Variants in NOP53 observed in about 807,000 individuals in gnomAD.
NOP53 encodes NOP53 ribosome biogenesis factor.
In NOP53, 40 loss-of-function variants were observed where a neutral mutation model predicts 61.0. The ratio of observed to expected loss-of-function variants is 0.66; its 90% confidence interval spans 0.51 to 0.85. NOP53 has a LOEUF of 0.85. Ranked by LOEUF, NOP53 falls within the 40% of genes least tolerant of loss-of-function variation. NOP53 has a pLI of 0.00. For missense variants in NOP53, 689 were observed against 652.9 expected (o/e 1.06, Z -0.60); for synonymous variants, 308 against 289.5 (o/e 1.06, Z -0.65).
chr19:47,750,067 TG>T, intron 2 of NOP53, 110 bp from the exon 3 acceptor site: 4 of 664,524 alleles, frequency 6.0e-6, no homozygotes, highest in Non-Finnish European at 1.1e-5. Flanking sequence ...CCAAGTCTCC[TG>T]GGGTGACTTG....
At chr19:47,750,367 G>A (rs542991131) in intron 3 of NOP53, 81 bp downstream of exon 3, 2 of 854,078 alleles carry the variant, frequency 2.3e-6, no homozygotes, top group Admixed American at 1.9e-5. Context: ...GGGCTGGTAG[G>A]TGAGGGTCAT....
chr19:47,750,870 C>T, intron 3 of NOP53, 38 bp from the exon 4 acceptor site: 2 of 1,536,888 alleles, frequency 1.3e-6, no homozygotes, highest in Non-Finnish European at 1.8e-6. Context: ...CAGGCTGCCA[C>T]CTCACCTGCT....
In NOP53 at chr19:47,754,474, G is replaced by A; in HGVS notation, c.766-53G>A. Reference sequence around the variant, plus strand: ...GACAGATGGGAGGTAAGAGGGTCTAGTCTCAGTGTCCCAGGAGGGGTTCAG... The same window carrying A: ...GACAGATGGGAGGTAAGAGGGTCTAATCTCAGTGTCCCAGGAGGGGTTCAG... On this transcript the variant is annotated intron_variant, in intron 6 of 12. Transcript: ENST00000246802. This position sits in a 1 kb window ranked among gnomAD's most constrained non-coding sequence, Gnocchi z 4.2. The A allele has an allele frequency of 7.5e-7, 1 of 1,337,844 alleles. No individual in the cohort carries two copies. Among genetic ancestry groups the A allele is most frequent in the African/African-American group, 1.5e-5 (1 of 68,950 alleles). The allele number at this position is 1,337,844 out of a possible 1,614,324, so 82.9% of individuals were successfully genotyped here.
rs780677965 is a variant in NOP53, at chr19:47,755,411, G to C, written c.1117G>C (p.Gly373Arg). The C allele has an allele frequency of 1.3e-6, 2 of 1,534,092 alleles. No homozygotes were observed. The highest frequency in any genetic ancestry group is 4.0e-5 in the Admixed American group (2 of 49,524). The change falls in exon 9 of 13, where the codon GGG becomes CGG. Residue 373 changes from glycine to arginine, a missense_variant. Physicochemically the swap from Gly to Arg is moderately radical, Grantham distance 125. Transcript: ENST00000246802. ...GCACCAGGAGCTGTTCCGGCTGCGCGGGATCAAGGCCCAGGTGGCCCTGAG... is the reference window on the plus strand; with the variant it reads ...GCACCAGGAGCTGTTCCGGCTGCGCCGGATCAAGGCCCAGGTGGCCCTGAG... ...LRHQELFRLRGIKAQVALRLA... is the reference protein window; with the variant it reads ...LRHQELFRLRRIKAQVALRLA...
intron 2 of NOP53, among the ~76,000 whole-genome samples, chr19:47,749,441 C>T (rs1033969746): frequency 1.5e-4 from 23 of 152,110 alleles, no homozygotes; most frequent in Non-Finnish European, 3.4e-4. Flanking sequence ...ATGATTACAT[C>T]TTCATAACGG....
chr19:47,746,114 GTA>G (rs1967060273), intron 1 of NOP53: 1 of 346,448 alleles, frequency 2.9e-6, no homozygotes, highest in East Asian at 5.6e-5. Flanking sequence ...GTGTGTGTAT[GTA>G]TATATGTGTG....
intron 2 of NOP53, 106 bp from the exon 3 acceptor site, chr19:47,750,072 T>G: frequency 2.9e-6 from 2 of 680,256 alleles, no homozygotes; most frequent in Non-Finnish European, 5.3e-6. Flanking sequence ...TCTCCTGGGG[T>G]GACTTGGGAT....
At chr19:47,755,948 C>A in intron 10 of NOP53, 126 bp downstream of exon 10, 2 of 734,296 alleles carry the variant, frequency 2.7e-6, no homozygotes, top group Non-Finnish European at 4.6e-6. Context: ...GGCCAATGCC[C>A]AGGGGCTGAG....
At chr19:47,753,056 C>T (rs1475350983) in intron 6 of NOP53, 4 of 165,052 alleles carry the variant, frequency 2.4e-5, no homozygotes, top group Non-Finnish European at 4.0e-5. Context: ...TATATATGGG[C>T]GAGGCTAGCT....
intron 2 of NOP53, among the ~76,000 whole-genome samples, chr19:47,748,437 G>A (rs975664320): frequency 6.6e-6 from 1 of 152,092 alleles, no homozygotes; most frequent in Non-Finnish European, 1.5e-5. Context: ...TGAACAGCCT[G>A]GAAGCAAGCG....
Position 47,750,227 on chromosome 19 carries a change from G to C in NOP53, c.339G>C (p.Lys113Asn). The C allele has an allele frequency of 6.2e-7, 1 of 1,613,460 alleles. No individual in the cohort carries two copies. Among genetic ancestry groups the C allele is most frequent in the Non-Finnish European group, 8.5e-7 (1 of 1,179,432 alleles). Reference sequence around the variant, plus strand: ...TCCAGAAGAAGTCACTGCTTCTCAAGAAACCCCTTCGGGTTGACCTCATCC... The same window carrying C: ...TCCAGAAGAAGTCACTGCTTCTCAACAAACCCCTTCGGGTTGACCTCATCC... ...TKVQKKSLLL[K>N]KPLRVDLILE... Residue 113 changes from lysine to asparagine, a missense_variant, in exon 3 of 13, where the codon AAG (lysine) becomes AAC (asparagine). Physicochemically the swap from Lys to Asn is moderately conservative, Grantham distance 94. Coordinates refer to ENST00000246802, the MANE Select transcript of NOP53 (RefSeq NM_015710.5).
At chr19:47,755,127 T>G (rs1555795589) in intron 8 of NOP53, among the ~76,000 whole-genome samples, 6 of 148,084 alleles carry the variant, frequency 4.1e-5, no homozygotes, top group East Asian at 2.0e-4. Context: ...AGGGGCGGGG[T>G]GGGGGGAGGT....
chr19:47,755,568 C>A lies in NOP53; in HGVS notation c.1229+45C>A, dbSNP rs528291730. The A allele has an allele frequency of 4.1e-6, 6 of 1,451,700 alleles. No homozygotes were observed. The African/African-American group carries it at 8.6e-5, about 21-fold the overall frequency. 89.9% of individuals were successfully genotyped at this position (1,451,700 alleles called of 1,614,324 possible). ...TTCTGGGAGAGGCTGGGGAGGGGGC[C>A]GGGTCCCAGGTCCTGACACCTTCCT... On this transcript the variant is annotated intron_variant, in intron 9 of 12. Coordinates refer to ENST00000246802, the MANE Select transcript of NOP53 (RefSeq NM_015710.5).
intron 2 of NOP53, among the ~76,000 whole-genome samples, chr19:47,749,813 T>C (rs1296626990): frequency 6.6e-6 from 1 of 151,924 alleles, no homozygotes; most frequent in Non-Finnish European, 1.5e-5. Context: ...ACTCCTGGGC[T>C]CAAGCGATCC....
In NOP53 at chr19:47,750,988, A is replaced by C. The variant is rs1387280634; in HGVS notation, c.479A>C (p.Glu160Ala). Reference sequence around the variant, plus strand: ...TGGGAGAAGCTGGCCAAGCAGGGCGAGCTGCCCCGGGAGGTGCGCAGGGCC... The same window carrying C: ...TGGGAGAAGCTGGCCAAGCAGGGCGCGCTGCCCCGGGAGGTGCGCAGGGCC... ...QLWEKLAKQG[E>A]LPREVRRAQA... The change falls in exon 4 of 13, where the codon GAG becomes GCG. Residue 160 changes from glutamate to alanine, a missense_variant. Physicochemically the swap from Glu to Ala is moderately radical, Grantham distance 107 (BLOSUM62 -1). Transcript: ENST00000246802. 6.3e-7 allele frequency: 1 copy of C among 1,596,370 alleles called. No homozygotes were observed. Among genetic ancestry groups the C allele is most frequent in the East Asian group, 2.3e-5 (1 of 44,258 alleles).
rs932721168 is a variant in NOP53, at chr19:47,754,092, A to C, written c.766-435A>C. On this transcript the variant is annotated intron_variant, in intron 6 of 12. Transcript: ENST00000246802. The surrounding 1 kb of genome is among the most constrained non-coding windows in gnomAD (Gnocchi z 4.2). ...CAGGAGTTCAAGACCAGCCTGACCA[A>C]CATGGAGAAACCCCATCTCTACTAA... 6 of 160,776 alleles carry C rather than the reference A, an allele frequency of 3.7e-5. No individual in the cohort carries two copies. The highest frequency in any genetic ancestry group is 1.4e-4 in the African/African-American group (6 of 41,590). 10.0% of individuals were successfully genotyped at this position (160,776 alleles called of 1,614,324 possible).
intron 2 of NOP53, among the ~76,000 whole-genome samples, chr19:47,749,295 T>C (rs1165988633): frequency 1.3e-5 from 2 of 152,170 alleles, no homozygotes; most frequent in Non-Finnish European, 2.9e-5. Context: ...CCGGCGTGCT[T>C]TGGCGAGTGG....
Position 47,756,944 on chromosome 19 carries a change from C to T in NOP53, c.1431-55C>T, listed in dbSNP as rs2123680943. On this transcript the variant is annotated intron_variant, in intron 12 of 12. Transcript: ENST00000246802. ...TGAAAGGCAGGGGGTGTCAGGTCGG[C>T]AGGGGGTATGGGGCACCCTCTCACC... 8.7e-6 allele frequency: 14 copies of T among 1,611,126 alleles called. No homozygotes were observed. In the South Asian group the frequency reaches 1.5e-4, roughly 18 times the overall value.
At position 47,754,394 on chromosome 19, in the gene NOP53, G is replaced by A. The variant is rs1331251041; in HGVS notation, c.766-133G>A. 6 of 699,878 alleles carry A rather than the reference G, an allele frequency of 8.6e-6. No homozygotes were observed. The highest frequency in any genetic ancestry group is 3.5e-5 in the African/African-American group (2 of 56,884). The allele number at this position is 699,878 out of a possible 1,614,324, so 43.4% of individuals were successfully genotyped here. ...GTGCAGGGTGGGTGTGCTGGTAGACGGGGTGTGGGGAGGAAAGCCTGGGCC... is the reference window on the plus strand; with the variant it reads ...GTGCAGGGTGGGTGTGCTGGTAGACAGGGTGTGGGGAGGAAAGCCTGGGCC... On this transcript the variant is annotated intron_variant, in intron 6 of 12. Transcript: ENST00000246802. This position sits in a 1 kb window ranked among gnomAD's most constrained non-coding sequence, Gnocchi z 4.2.
Sources: gnomAD v4.1 joint callset for allele counts (sites outside exome capture counted in the v4.1 genomes callset) on GRCh38, gnomAD v4.1.1 for gene constraint, Gnocchi (gnomAD v3.1) non-coding constraint, MANE v1.5 for transcripts, NCBI Gene and HGNC (gene_info 2026-07-23, HGNC 2026-07-21) for gene names.